CRACDL: variants seen among roughly 807,000 people sequenced by gnomAD.
CRACDL encodes CRACD like, also known as CRACD-like protein.
A neutral mutation model predicts 70.6 loss-of-function variants in CRACDL; 26 were observed. The observed-to-expected ratio is 0.37, with a 90% CI of 0.27 to 0.51. The LOEUF is 0.51. Among genes scored for constraint, CRACDL ranks in the 20% least tolerant of loss-of-function variants. The probability of loss-of-function intolerance (pLI) is 0.94; values close to 1 mark genes in which losing one functional copy is unlikely to be tolerated. For missense variants in CRACDL, 1,283 were observed against 1,376.9 expected, an observed-to-expected ratio of 0.93 and a Z score of 1.08; for synonymous variants, 618 against 615.2, an observed-to-expected ratio of 1.00 and a Z score of -0.07.
intron 1 of CRACDL, among the ~76,000 whole-genome samples, chr2:98,932,833 T>A (rs367785670): frequency 1.1e-4 from 17 of 152,280 alleles, no homozygotes; most frequent in Admixed American, 1.1e-3. Flanking sequence ...CCCAAAGCCA[T>A]GATGTGCAGA....
intron 1 of CRACDL, among the ~76,000 whole-genome samples, chr2:98,909,359 G>A (rs1235319947): frequency 6.6e-6 from 1 of 152,144 alleles, no homozygotes; most frequent in African/African-American, 2.4e-5. Context: ...TAAAAACTGC[G>A]ATGTCACTGC....
rs1559218733 is a variant in CRACDL, at chr2:98,826,956, G to A, written c.735+19C>T. The A allele has an allele frequency of 3.1e-6, 5 of 1,595,454 alleles. No individual in the cohort carries two copies. Among genetic ancestry groups the A allele is most frequent in the South Asian group, 1.1e-5 (1 of 89,110 alleles). On this transcript the variant is annotated intron_variant, in intron 6 of 9. Transcript: ENST00000397899. ...AGCCTGCCTGGCCTGCCTCTGTGTG[G>A]AGAAGGAAACCCAATTACCGATGAG...
chr2:98,935,747 C>T (rs1709190083), intron 1 of CRACDL, among the ~76,000 whole-genome samples, 191 bp downstream of exon 1: 1 of 152,206 alleles, frequency 6.6e-6, no homozygotes, highest in South Asian at 2.1e-4. Flanking sequence ...TCCCCCTCGG[C>T]CGCAGGAGCT....
chr2:98,884,246 A>G (rs1707738962), intron 1 of CRACDL, among the ~76,000 whole-genome samples: 2 of 152,196 alleles, frequency 1.3e-5, no homozygotes, highest in African/African-American at 4.8e-5. Flanking sequence ...GCAATCTCCT[A>G]CACTGGCCAA....
chr2:98,914,002 C>G (rs1427844413), intron 1 of CRACDL, among the ~76,000 whole-genome samples: 1 of 152,226 alleles, frequency 6.6e-6, no homozygotes, highest in Non-Finnish European at 1.5e-5. Context: ...CGGCTGCCTC[C>G]CTCCCAGAAT....
At chr2:98,898,733 G>C (rs1170254456) in intron 1 of CRACDL, among the ~76,000 whole-genome samples, 1 of 152,204 alleles carries the variant, frequency 6.6e-6, no homozygotes, top group Non-Finnish European at 1.5e-5. Context: ...GGGAGGCCAC[G>C]TGTCCCATCC....
At chr2:98,872,093 C>T (rs570924151) in intron 1 of CRACDL, among the ~76,000 whole-genome samples, 16 of 152,248 alleles carry the variant, frequency 1.1e-4, no homozygotes, top group Admixed American at 6.5e-4. Context: ...CCAGGCTGGA[C>T]GTGGTGGCTC....
intron 1 of CRACDL, among the ~76,000 whole-genome samples, chr2:98,870,205 G>C (rs1028566958): frequency 1.3e-5 from 2 of 152,240 alleles, no homozygotes; most frequent in African/African-American, 4.8e-5. Flanking sequence ...AGTGTTGACA[G>C]AGGGCTCTGG....
intron 1 of CRACDL, among the ~76,000 whole-genome samples, chr2:98,919,143 C>A (rs941699525): frequency 1.3e-5 from 2 of 152,106 alleles, no homozygotes; most frequent in Non-Finnish European, 2.9e-5. Context: ...TCATTCTTCT[C>A]CATATGGCAA....
chr2:98,883,458 T>A (rs1007065620), intron 1 of CRACDL, among the ~76,000 whole-genome samples: 1 of 152,172 alleles, frequency 6.6e-6, no homozygotes, highest in African/African-American at 2.4e-5. Flanking sequence ...CCCTAGGGGC[T>A]CAAAGCATAA....
intron 1 of CRACDL, among the ~76,000 whole-genome samples, chr2:98,890,395 A>T (rs1707930121): frequency 6.6e-6 from 1 of 152,218 alleles, no homozygotes; most frequent in South Asian, 2.1e-4. Flanking sequence ...AAGCTAGATA[A>T]CCTAAATGGT....
intron 1 of CRACDL, among the ~76,000 whole-genome samples, chr2:98,923,262 C>T (rs1708845007): frequency 7.1e-6 from 1 of 141,416 alleles, no homozygotes; most frequent in Non-Finnish European, 1.5e-5. Context: ...CAGAGTGAGA[C>T]ACTGTCTCAA....
Position 98,823,006 on chromosome 2 carries a change from C to T in CRACDL, c.1267G>A (p.Glu423Lys), listed in dbSNP as rs779624709. The T allele has an allele frequency of 7.3e-6, 11 of 1,514,950 alleles. No homozygotes were observed. The East Asian group carries it at 2.1e-4, about 30-fold the overall frequency. The allele number at this position is 1,514,950 out of a possible 1,614,324, so 93.8% of individuals were successfully genotyped here. A position where few individuals can be genotyped will look rare whatever the true frequency, so the allele number is the denominator to read the frequency against. ...PPETDPAATS[E>K]APSARDGPER... ...GGCCCGTCGCGAGCAGAGGGCGCCT[C>T]TGAGGTGGCGGCGGGGTCAGTCTCG... The change falls in exon 7 of 10, where the codon GAG (glutamate) becomes AAG (lysine). Residue 423 changes from glutamate to lysine, a missense_variant. Glu to Lys is a moderately conservative substitution (Grantham distance 56, BLOSUM62 1). Around this residue, in one of 2 missense-constraint regions of CRACDL, gnomAD observed 921 missense variants for 881.9 expected, o/e 1.04. Coordinates refer to ENST00000397899, the MANE Select transcript of CRACDL (RefSeq NM_207362.3). This position sits in a 1 kb window ranked among gnomAD's most constrained non-coding sequence, Gnocchi z 4.0.
intron 6 of CRACDL, among the ~76,000 whole-genome samples, chr2:98,824,183 C>A (rs1245445924): frequency 1.3e-5 from 2 of 152,196 alleles, no homozygotes; most frequent in African/African-American, 2.4e-5. Flanking sequence ...CCTAGATTCT[C>A]TGGTCTTAAG....
rs1019863208 is a variant in CRACDL at position 98,823,668 on chromosome 2, T to C, written c.736-131A>G. 5.3e-6 allele frequency: 6 copies of C among 1,136,770 alleles called. No homozygotes were observed. In the East Asian group the frequency reaches 1.5e-4, roughly 29 times the overall value. 70.4% of individuals were successfully genotyped at this position (1,136,770 alleles called of 1,614,324 possible). ...TATAAAGCTGGCACTTAAGTAGGCATGTACCCACGGGTGTCTTTTCTCAGT... is the reference window on the plus strand; with the variant it reads ...TATAAAGCTGGCACTTAAGTAGGCACGTACCCACGGGTGTCTTTTCTCAGT... On this transcript the variant is annotated intron_variant, in intron 6 of 9. Coordinates refer to ENST00000397899, the MANE Select transcript of CRACDL (RefSeq NM_207362.3). This position sits in a 1 kb window ranked among gnomAD's most constrained non-coding sequence, Gnocchi z 4.0.
At chr2:98,903,133 C>T (rs1335640780) in intron 1 of CRACDL, among the ~76,000 whole-genome samples, 1 of 152,132 alleles carries the variant, frequency 6.6e-6, no homozygotes, top group African/African-American at 2.4e-5. Context: ...GAGACCTAAC[C>T]TCAATGATGC....
At chr2:98,933,827 C>A (rs1381815335) in intron 1 of CRACDL, among the ~76,000 whole-genome samples, 1 of 152,192 alleles carries the variant, frequency 6.6e-6, no homozygotes, top group Non-Finnish European at 1.5e-5. Flanking sequence ...GCTGCTATAA[C>A]AAAATACCAT....
intron 1 of CRACDL, among the ~76,000 whole-genome samples, chr2:98,876,641 TC>T (rs1707495153): frequency 6.6e-6 from 1 of 152,202 alleles, no homozygotes; most frequent in Non-Finnish European, 1.5e-5. Context: ...ATAATTGTCT[TC>T]CATGAAACTG....
chr2:98,856,657 T>C (rs12612736), intron 1 of CRACDL, among the ~76,000 whole-genome samples: 7,195 of 152,292 alleles, frequency 0.047, 302 homozygotes, highest in South Asian at 0.16. Flanking sequence ...GGGACTATAA[T>C]GTATAGCAAT....
Sources: allele counts gnomAD v4.1 joint callset (sites outside exome capture counted in the v4.1 genomes callset), GRCh38; gene constraint gnomAD v4.1.1; regional missense constraint gnomAD v4.1.1; non-coding constraint Gnocchi (gnomAD v3.1); transcripts MANE v1.5; gene names NCBI Gene and HGNC (gene_info 2026-07-23, HGNC 2026-07-21).